Variants in SRFBP1 observed in about 807,000 individuals in gnomAD.
SRFBP1 encodes serum response factor-binding protein 1.
In SRFBP1, 47 loss-of-function variants were observed where a neutral mutation model predicts 45.5. The observed-to-expected ratio is 1.03, with a 90% CI of 0.82 to 1.32. The LOEUF (loss-of-function observed/expected upper bound fraction) is 1.32, where lower values mean the gene tolerates loss of function less well. SRFBP1 is among the 40% of genes most tolerant of loss of function. The pLI, the probability that SRFBP1 is intolerant of heterozygous loss-of-function variation, is 0.00. For synonymous variants in SRFBP1, 203 were observed against 166.3 expected (o/e 1.22, Z -1.70); for missense variants, 621 against 484.6 (o/e 1.28, Z -2.64).
chr5:122,052,123 G>C (rs1335728506), intron 2 of SRFBP1, among the ~76,000 whole-genome samples: 3 of 152,162 alleles, frequency 2.0e-5, no homozygotes, highest in Non-Finnish European at 2.9e-5. Flanking sequence ...TCCGCTGTTA[G>C]CTTGATGGGA....
At chr5:122,077,762 G>A (rs1561421528), downstream of SRFBP1, 8 of 1,552,976 alleles carry the variant, frequency 5.2e-6, 1 homozygote, top group Non-Finnish European at 6.1e-6. The surrounding 1 kb of genome is among the most constrained non-coding windows in gnomAD (Gnocchi z 4.9). Flanking sequence ...ACCAGGGACG[G>A]CGGCGCCCGG....
chr5:122,003,041 T>G (rs893525109), intron 4 of SRFBP1, among the ~76,000 whole-genome samples: 3 of 152,122 alleles, frequency 2.0e-5, no homozygotes, highest in African/African-American at 7.2e-5. Flanking sequence ...TTCTATATAA[T>G]TCATTCATAA....
intron 2 of SRFBP1, among the ~76,000 whole-genome samples, chr5:122,049,656 CAG>C (rs1171840067): frequency 6.6e-6 from 1 of 152,116 alleles, no homozygotes; most frequent in East Asian, 1.9e-4. Flanking sequence ...TGTAAAAGAA[CAG>C]AAATTATAAC....
At chr5:121,974,757 A>G (rs1752267940) in intron 2 of SRFBP1, among the ~76,000 whole-genome samples, 1 of 151,880 alleles carries the variant, frequency 6.6e-6, no homozygotes, top group African/African-American at 2.4e-5. Context: ...GGAAAAATAC[A>G]ATATTTTGTA....
chr5:121,985,493 G>GT (rs1327171473), intron 3 of SRFBP1, among the ~76,000 whole-genome samples: 1 of 151,518 alleles, frequency 6.6e-6, no homozygotes, highest in Non-Finnish European at 1.5e-5. Flanking sequence ...TAACTGGTGT[G>GT]TTTTTTTAAT....
chr5:122,047,588 T>A (rs1405465754), intron 2 of SRFBP1, among the ~76,000 whole-genome samples: 1 of 152,274 alleles, frequency 6.6e-6, no homozygotes, highest in East Asian at 1.9e-4. Context: ...GTGAAGAAAG[T>A]CATTGGTAGC....
intron 4 of SRFBP1, among the ~76,000 whole-genome samples, chr5:122,006,143 G>T: frequency 6.6e-6 from 1 of 151,890 alleles, no homozygotes; most frequent in African/African-American, 2.4e-5. Flanking sequence ...CTTCTTTTCT[G>T]AAAGACAACT....
intron 4 of SRFBP1, among the ~76,000 whole-genome samples, chr5:122,005,940 C>A (rs561538281): frequency 2.0e-5 from 3 of 152,242 alleles, no homozygotes; most frequent in East Asian, 1.9e-4. Flanking sequence ...GATTTGCACA[C>A]CCCCATTTAG....
intron 3 of SRFBP1, among the ~76,000 whole-genome samples, chr5:121,991,463 A>T (rs1752620355): frequency 6.6e-6 from 1 of 152,146 alleles, no homozygotes; most frequent in Non-Finnish European, 1.5e-5. Context: ...CAGACTTTGC[A>T]GCAGACTCTT....
chr5:122,046,171 A>G (rs931878405), intron 2 of SRFBP1, among the ~76,000 whole-genome samples: 2 of 151,988 alleles, frequency 1.3e-5, no homozygotes, highest in African/African-American at 4.8e-5. Flanking sequence ...AATATTAGGT[A>G]TATCTCCTAA....
At chr5:121,965,875 G>T (rs1752053388) in intron 1 of SRFBP1, among the ~76,000 whole-genome samples, 1 of 152,104 alleles carries the variant, frequency 6.6e-6, no homozygotes, top group African/African-American at 2.4e-5. Flanking sequence ...TTGAACAGTG[G>T]TTTGTAGTTC....
At chr5:122,023,249 A>G (rs1376503044) in intron 7 of SRFBP1, among the ~76,000 whole-genome samples, 2 of 152,198 alleles carry the variant, frequency 1.3e-5, no homozygotes, top group East Asian at 3.9e-4. Context: ...CAGACTTTCT[A>G]TCACTGGATG....
intron 2 of SRFBP1, among the ~76,000 whole-genome samples, chr5:122,045,266 T>G (rs1308258768): frequency 1.3e-5 from 2 of 152,196 alleles, no homozygotes; most frequent in African/African-American, 2.4e-5. Context: ...AGATCTGTAG[T>G]ATAGTTTGAA....
At chr5:121,992,560 T>C (rs1752640456) in intron 3 of SRFBP1, among the ~76,000 whole-genome samples, 1 of 152,118 alleles carries the variant, frequency 6.6e-6, no homozygotes, top group Non-Finnish European at 1.5e-5. Context: ...CCTTCTGCCA[T>C]GTAAAATAAC....
At chr5:122,067,999 G>T (rs1402719230) in intron 2 of SRFBP1, among the ~76,000 whole-genome samples, 1 of 151,758 alleles carries the variant, frequency 6.6e-6, no homozygotes, top group South Asian at 2.1e-4. Flanking sequence ...AAGGTGTGGG[G>T]TTTTTTTCTC....
At chr5:122,015,650 G>A (rs1005833402) in intron 4 of SRFBP1, among the ~76,000 whole-genome samples, 1 of 152,224 alleles carries the variant, frequency 6.6e-6, no homozygotes. Flanking sequence ...TCCAGCGGCA[G>A]GCTGGAACAG....
intron 4 of SRFBP1, among the ~76,000 whole-genome samples, chr5:122,005,405 C>T (rs1021930577): frequency 6.6e-6 from 1 of 152,088 alleles, no homozygotes; most frequent in Non-Finnish European, 1.5e-5. Flanking sequence ...TGACTCTGGT[C>T]TCATTGTACA....
At chr5:121,968,855 A>G (rs1050604357) in intron 1 of SRFBP1, among the ~76,000 whole-genome samples, 12 of 152,182 alleles carry the variant, frequency 7.9e-5, no homozygotes, top group Admixed American at 3.3e-4. Flanking sequence ...AAGCAGAAGT[A>G]TTAGTATTCT....
chr5:121,991,864 C>G (rs756888779), intron 3 of SRFBP1, among the ~76,000 whole-genome samples: 3 of 151,962 alleles, frequency 2.0e-5, no homozygotes, highest in African/African-American at 7.3e-5. Context: ...AGGTAATAAA[C>G]GAGTTGGTCC....
Sources: gnomAD v4.1 joint callset for allele counts (sites outside exome capture counted in the v4.1 genomes callset) on GRCh38, gnomAD v4.1.1 for gene constraint, Gnocchi (gnomAD v3.1) non-coding constraint, MANE v1.5 for transcripts, NCBI Gene and HGNC (gene_info 2026-07-23, HGNC 2026-07-21) for gene names.